The following CNTNAP3 variants were observed in gnomAD, a reference collection of about 807,000 sequenced individuals.
CNTNAP3 encodes the protein contactin-associated protein-like 3.
A neutral mutation model predicts 92.1 loss-of-function variants in CNTNAP3; 36 were observed. That is an observed-to-expected ratio of 0.39 (90% CI 0.30 to 0.52). The LOEUF (loss-of-function observed/expected upper bound fraction) is 0.52, where lower values mean the gene tolerates loss of function less well. Ranked by LOEUF, CNTNAP3 falls within the 20% of genes least tolerant of loss-of-function variation. The pLI is 0.76. For missense variants in CNTNAP3, 534 were observed against 1,069.6 expected, an observed-to-expected ratio of 0.50 and a Z score of 6.98; for synonymous variants, 232 against 422.3, an observed-to-expected ratio of 0.55 and a Z score of 5.53.
chr9:39,134,975 G>T (rs1821395639), intron 12 of CNTNAP3, among the ~76,000 whole-genome samples: 1 of 152,160 alleles, frequency 6.6e-6, no homozygotes, highest in Admixed American at 6.5e-5. Flanking sequence ...AGTCACCCAT[G>T]GTTAAGATGT....
chr9:39,107,312 G>T (rs1826631170), intron 15 of CNTNAP3, among the ~76,000 whole-genome samples: 1 of 150,530 alleles, frequency 6.6e-6, no homozygotes, highest in Non-Finnish European at 1.5e-5. Flanking sequence ...GGAGGGAGTG[G>T]GGAAGGAAGG....
intron 7 of CNTNAP3, among the ~76,000 whole-genome samples, chr9:39,175,607 C>CGTT (rs1822327269): frequency 8.3e-6 from 1 of 120,226 alleles, no homozygotes; most frequent in Non-Finnish European, 1.8e-5. Context: ...CATGGCGAAA[C>CGTT]CCCGTCTCTA....
chr9:39,114,055 C>CACACAT (rs1468356379), intron 14 of CNTNAP3, among the ~76,000 whole-genome samples: 9 of 144,552 alleles, frequency 6.2e-5, no homozygotes, highest in African/African-American at 2.4e-4. Flanking sequence ...CACACACACA[C>CACACAT]ATATATATAT....
chr9:39,116,808 A>G (rs1237448432), intron 14 of CNTNAP3, among the ~76,000 whole-genome samples: 1 of 152,088 alleles, frequency 6.6e-6, no homozygotes, highest in Non-Finnish European at 1.5e-5. Context: ...AGTTTTCCCA[A>G]CTTCACAATA....
intron 3 of CNTNAP3, among the ~76,000 whole-genome samples, chr9:39,209,440 C>G (rs983749391): frequency 2.9e-5 from 1 of 33,984 alleles, no homozygotes; most frequent in Non-Finnish European, 5.9e-5. Context: ...AATTCAATCC[C>G]AAAGCAAGTT....
At chr9:39,133,514 TTTCA>T (rs1165358691) in intron 12 of CNTNAP3, among the ~76,000 whole-genome samples, 15 of 151,292 alleles carry the variant, frequency 9.9e-5, no homozygotes, top group Non-Finnish European at 1.8e-4. Flanking sequence ...CCTCTATTTC[TTTCA>T]TTATCGAATA....
chr9:39,093,195 A>C (rs1826248672), intron 18 of CNTNAP3, among the ~76,000 whole-genome samples: 1 of 112,710 alleles, frequency 8.9e-6, no homozygotes, highest in African/African-American at 3.2e-5. Context: ...TGCTCAATCG[A>C]TGAACATTTA....
rs368223326 is a variant in CNTNAP3, at chr9:39,067,675, C to T, written c.*6215G>A. Among the ~76,000 whole-genome samples, 33 of 152,330 alleles carry T rather than the reference C, an allele frequency of 2.2e-4. No homozygotes were observed. The South Asian group carries it at 5.9e-3, about 27-fold the overall frequency. Reference sequence around the variant, plus strand: ...CCTCCCAAAGTGCTGGGATTACAGGCATGAGCCACTGTGCCCGGCCTGGTG... The same window carrying T: ...CCTCCCAAAGTGCTGGGATTACAGGTATGAGCCACTGTGCCCGGCCTGGTG... On this transcript the variant is annotated 3_prime_UTR_variant, in exon 24 of 24. Coordinates refer to ENST00000297668, the MANE Select transcript of CNTNAP3 (RefSeq NM_033655.5).
chr9:39,118,854 G>A lies in CNTNAP3; in HGVS notation c.2081-595C>T, dbSNP rs575520019. Reference sequence around the variant, plus strand: ...CTCTGAGGTTAGAGATTTCTCATGCGAAGAAACAAAGTGCCCTGGGTCAAC... The same window carrying A: ...CTCTGAGGTTAGAGATTTCTCATGCAAAGAAACAAAGTGCCCTGGGTCAAC... On this transcript the variant is annotated intron_variant, in intron 13 of 23. Coordinates refer to ENST00000297668, the MANE Select transcript of CNTNAP3 (RefSeq NM_033655.5). 2.9e-3 allele frequency among the ~76,000 whole-genome samples: 441 copies of A among 151,806 alleles called. 1 individual carries two copies. Among genetic ancestry groups the A allele is most frequent in the African/African-American group, 9.9e-3 (410 of 41,340 alleles).
At chr9:39,093,559 G>C (rs1417139930) in intron 18 of CNTNAP3, among the ~76,000 whole-genome samples, 1 of 150,908 alleles carries the variant, frequency 6.6e-6, no homozygotes, top group African/African-American at 2.4e-5. Context: ...TGGTATCCTT[G>C]AATCTACTTT....
At chr9:39,105,403 G>C (rs541988843) in intron 15 of CNTNAP3, among the ~76,000 whole-genome samples, 18 of 152,158 alleles carry the variant, frequency 1.2e-4, no homozygotes, top group African/African-American at 2.9e-4. Context: ...CTCCAGCCTG[G>C]GTGACAGAGC....
At chr9:39,083,582 C>A (rs1298108116) in intron 21 of CNTNAP3, among the ~76,000 whole-genome samples, 1 of 150,918 alleles carries the variant, frequency 6.6e-6, no homozygotes, top group African/African-American at 2.4e-5. Flanking sequence ...TCGTGTGAAC[C>A]TGGGAGGCGG....
intron 12 of CNTNAP3, among the ~76,000 whole-genome samples, chr9:39,137,698 T>C (rs1303196783): frequency 2.0e-5 from 3 of 151,824 alleles, no homozygotes; most frequent in Non-Finnish European, 2.9e-5. Context: ...GTATTTTTAG[T>C]AGAGACAGGG....
intron 12 of CNTNAP3, among the ~76,000 whole-genome samples, chr9:39,133,915 A>G (rs1484620056): frequency 1.3e-5 from 2 of 152,210 alleles, no homozygotes; most frequent in Non-Finnish European, 2.9e-5. Flanking sequence ...TTAACCTCTA[A>G]TAAGATGTAT....
In CNTNAP3 at chr9:39,069,163, A is replaced by T. The variant is rs1339103223; in HGVS notation, c.*4727T>A. The stretch of plus-strand genomic sequence containing the variant: ...TGGAGCATATTATGGGAGCAAGGCA[A>T]CCTGTAGAATTGGTCAGGAACTAGA... On this transcript the variant is annotated 3_prime_UTR_variant, in exon 24 of 24. Transcript: ENST00000297668. 6.6e-6 allele frequency among the ~76,000 whole-genome samples: 1 copy of T among 152,240 alleles called. No homozygotes were observed. Among genetic ancestry groups the T allele is most frequent in the Non-Finnish European group, 1.5e-5 (1 of 68,042 alleles).
At chr9:39,142,758 G>C (rs1387439230) in intron 11 of CNTNAP3, among the ~76,000 whole-genome samples, 1 of 151,914 alleles carries the variant, frequency 6.6e-6, no homozygotes, top group Non-Finnish European at 1.5e-5. Flanking sequence ...TTCAATCTGT[G>C]AGAGTCACTC....
At chr9:39,135,987 G>T (rs897467490) in intron 12 of CNTNAP3, among the ~76,000 whole-genome samples, 1 of 151,786 alleles carries the variant, frequency 6.6e-6, no homozygotes, top group Non-Finnish European at 1.5e-5. Context: ...AAATTAGCCG[G>T]GCGTGGTGGC....
chr9:39,107,883 T>C (rs1229552780), intron 15 of CNTNAP3, among the ~76,000 whole-genome samples: 1 of 152,166 alleles, frequency 6.6e-6, no homozygotes, highest in Admixed American at 6.5e-5. Context: ...ATATTTCATT[T>C]TAGAAAAAAT....
chr9:39,075,992 T>C (rs1261214597), intron 23 of CNTNAP3, among the ~76,000 whole-genome samples: 3 of 152,300 alleles, frequency 2.0e-5, no homozygotes, highest in Non-Finnish European at 4.4e-5. Context: ...ATTTATATCT[T>C]CAGCCAGTCC....
Sources: gnomAD v4.1 joint callset for allele counts (sites outside exome capture counted in the v4.1 genomes callset) on GRCh38, gnomAD v4.1.1 for gene constraint, MANE v1.5 for transcripts, NCBI Gene and HGNC (gene_info 2026-07-23, HGNC 2026-07-21) for gene names.